Variants in RANGAP1 observed in about 807,000 individuals in gnomAD.
RANGAP1 encodes the protein ran GTPase-activating protein 1.
Under a neutral mutation model 63.5 loss-of-function variants are expected in RANGAP1, and 38 were observed. The observed-to-expected ratio is 0.60, with a 90% confidence interval of 0.46 to 0.78. The LOEUF (loss-of-function observed/expected upper bound fraction) is 0.78. Among genes scored for constraint, RANGAP1 ranks in the 30% least tolerant of loss-of-function variants. The pLI is 0.00. For synonymous variants in RANGAP1, 329 were observed against 310.5 expected, an observed-to-expected ratio of 1.06 and a Z score of -0.63; for missense variants, 630 against 740.3, an observed-to-expected ratio of 0.85 and a Z score of 1.73.
chr22:41,264,873 C>T (rs757186863), intron 4 of RANGAP1, 30 bp from the exon 5 acceptor site: 7 of 1,577,382 alleles, frequency 4.4e-6, no homozygotes, highest in Non-Finnish European at 5.2e-6. Flanking sequence ...GTGTCAGTTT[C>T]ATAGACACCC....
the RANGAP1 span, chr22:41,301,852 C>T: frequency 1.3e-5 from 2 of 151,772 alleles, no homozygotes; most frequent in African/African-American, 4.8e-5. Flanking sequence ...CGCGAGGGTT[C>T]GGGGACGCCC....
At position 41,246,413 on chromosome 22, in the gene RANGAP1, G is replaced by A; in HGVS notation, c.*190C>T. ...AGACGTTAAAACCCAAATCCCGACA[G>A]GAGGCACAGACCTGCACATGCGCCA... On this transcript the variant is annotated 3_prime_UTR_variant, in exon 16 of 16. Coordinates refer to ENST00000356244, the MANE Select transcript of RANGAP1 (RefSeq NM_002883.4). The A allele has an allele frequency of 1.7e-6, 1 of 594,094 alleles. No individual in the cohort carries two copies. Among genetic ancestry groups the A allele is most frequent in the Non-Finnish European group, 2.9e-6 (1 of 341,240 alleles). 36.8% of individuals were successfully genotyped at this position (594,094 alleles called of 1,614,324 possible). A position where few individuals can be genotyped will look rare whatever the true frequency, so the allele number is the denominator to read the frequency against.
At chr22:41,291,596 T>TTAA in the RANGAP1 span, among the ~76,000 whole-genome samples, 1 of 106,078 alleles carries the variant, frequency 9.4e-6, no homozygotes, top group Non-Finnish European at 1.8e-5. Context: ...AGATCCATCT[T>TTAA]AAAAAAAAAA....
the RANGAP1 span, among the ~76,000 whole-genome samples, chr22:41,302,177 G>A: frequency 6.6e-6 from 1 of 152,044 alleles, no homozygotes; most frequent in Non-Finnish European, 1.5e-5. This position sits in a 1 kb window ranked among gnomAD's most constrained non-coding sequence, Gnocchi z 5.7. Flanking sequence ...CGCGCAGGGG[G>A]TCTCGGGGGC....
intron 14 of RANGAP1, 50 bp from the exon 15 acceptor site, chr22:41,249,501 G>A (rs1186943819): frequency 6.2e-7 from 1 of 1,611,266 alleles, no homozygotes; most frequent in Non-Finnish European, 8.5e-7. Context: ...TCACCTGGGG[G>A]GGCCCCTGGA....
chr22:41,254,574 G>A, intron 10 of RANGAP1, 80 bp from the exon 11 acceptor site: 8 of 1,500,598 alleles, frequency 5.3e-6, no homozygotes, highest in Middle Eastern at 1.8e-4. Context: ...CATGAGCCCA[G>A]AGACCTCACC....
chr22:41,268,839 G>A (rs1399213023), intron 3 of RANGAP1, among the ~76,000 whole-genome samples: 1 of 152,092 alleles, frequency 6.6e-6, no homozygotes, highest in Non-Finnish European at 1.5e-5. Flanking sequence ...CAGATCACTT[G>A]AGGTCAGGAG....
the RANGAP1 span, among the ~76,000 whole-genome samples, chr22:41,302,361 CGCGG>C: frequency 6.6e-6 from 1 of 151,964 alleles, no homozygotes; most frequent in Non-Finnish European, 1.5e-5. The surrounding 1 kb of genome is among the most constrained non-coding windows in gnomAD (Gnocchi z 5.7). Context: ...CAGCCGGGCC[CGCGG>C]GAAGGGGGCG....
intron 5 of RANGAP1, among the ~76,000 whole-genome samples, chr22:41,264,025 TC>T (rs1445601117): frequency 6.6e-6 from 1 of 152,230 alleles, no homozygotes; most frequent in African/African-American, 2.4e-5. Context: ...TACTTCTGTG[TC>T]CCCAGCCCTT....
At chr22:41,287,236 A>G (rs555603419), upstream of RANGAP1, among the ~76,000 whole-genome samples, 1 of 152,250 alleles carries the variant, frequency 6.6e-6, no homozygotes, top group African/African-American at 2.4e-5. Flanking sequence ...ATACCTATAC[A>G]TATACATAGA....
intron 15 of RANGAP1, among the ~76,000 whole-genome samples, chr22:41,248,204 C>T (rs1601580328): frequency 1.5e-5 from 2 of 137,152 alleles, no homozygotes; most frequent in Admixed American, 1.5e-4. Flanking sequence ...GGGGTGGGGT[C>T]GGGGTGAGGC....
At position 41,272,258 on chromosome 22, in the gene RANGAP1, G is replaced by A. The variant is rs1569200772; in HGVS notation, c.240+2342C>T. 3.9e-5 allele frequency among the ~76,000 whole-genome samples: 6 copies of A among 152,224 alleles called. No homozygotes were observed. The South Asian group carries it at 1.2e-3, about 32-fold the overall frequency. On this transcript the variant is annotated intron_variant, in intron 3 of 15. Transcript: ENST00000356244. ...GGGCTGAGTTCTGAGTTCTTTGGTT[G>A]GAAAACATCCCAGCTTATGCTCAGG...
At chr22:41,261,096 G>A (rs1204488089) in intron 6 of RANGAP1, among the ~76,000 whole-genome samples, 1 of 152,150 alleles carries the variant, frequency 6.6e-6, no homozygotes, top group Non-Finnish European at 1.5e-5. Context: ...CCCCACACCA[G>A]TGGCTGGGCC....
chr22:41,262,742 A>G (rs1250567881), intron 5 of RANGAP1, among the ~76,000 whole-genome samples: 5 of 152,218 alleles, frequency 3.3e-5, no homozygotes, highest in Non-Finnish European at 7.3e-5. Flanking sequence ...CAGCAGCAGC[A>G]GCCGACTGCT....
chr22:41,244,955 C>T lies in RANGAP1; in HGVS notation c.*1648G>A, dbSNP rs1668245365. On this transcript the variant is annotated 3_prime_UTR_variant, in exon 16 of 16. Coordinates refer to ENST00000356244, the MANE Select transcript of RANGAP1 (RefSeq NM_002883.4). ...CCTGGCAACCTCTACCTTCTTGTCT[C>T]TGAATTTGCTTATTCTAGATGCCTC... 6.6e-6 allele frequency among the ~76,000 whole-genome samples: 1 copy of T among 152,188 alleles called. No homozygotes were observed. Among genetic ancestry groups the T allele is most frequent in the Non-Finnish European group, 1.5e-5 (1 of 68,030 alleles).
intron 5 of RANGAP1, among the ~76,000 whole-genome samples, chr22:41,263,282 A>G (rs2034275330): frequency 6.6e-6 from 1 of 152,238 alleles, no homozygotes; most frequent in South Asian, 2.1e-4. Flanking sequence ...TTTTGCTAGA[A>G]TAGAGTCTCT....
intron 3 of RANGAP1, among the ~76,000 whole-genome samples, chr22:41,270,842 C>G (rs2034769546): frequency 6.6e-6 from 1 of 152,220 alleles, no homozygotes; most frequent in East Asian, 1.9e-4. Flanking sequence ...TCCACAGGGC[C>G]AGGAACAGGC....
At chr22:41,249,305 G>T (rs189915624) in intron 15 of RANGAP1, 25 bp downstream of exon 15, 4 of 1,568,824 alleles carry the variant, frequency 2.5e-6, no homozygotes, top group Non-Finnish European at 3.5e-6. Flanking sequence ...GGCAGGCACC[G>T]GCAGAAGGAC....
At chr22:41,263,445 C>T (rs1042210324) in intron 5 of RANGAP1, among the ~76,000 whole-genome samples, 3 of 152,118 alleles carry the variant, frequency 2.0e-5, no homozygotes, top group East Asian at 1.9e-4. Context: ...AGTGCAGTGG[C>T]GCCATCTCGG....
Sources: allele counts gnomAD v4.1 joint callset (sites outside exome capture counted in the v4.1 genomes callset), GRCh38; gene constraint gnomAD v4.1.1; non-coding constraint Gnocchi (gnomAD v3.1); transcripts MANE v1.5; gene names NCBI Gene and HGNC (gene_info 2026-07-23, HGNC 2026-07-21).